The following SLC25A48 variants were observed in gnomAD, a reference collection of about 807,000 sequenced individuals.
SLC25A48 encodes the protein CTC-321K16.1.
A neutral mutation model predicts 32.2 loss-of-function variants in SLC25A48; 29 were observed. That is an observed-to-expected ratio of 0.90 (90% CI 0.67 to 1.23). SLC25A48 has a LOEUF of 1.23. Ranked by LOEUF, SLC25A48 falls within the 50% of genes most tolerant of loss-of-function variation. The probability of loss-of-function intolerance (pLI) is 0.00; values close to 1 mark genes in which losing one functional copy is unlikely to be tolerated. For missense variants in SLC25A48, 399 were observed against 422.7 expected, an observed-to-expected ratio of 0.94 and a Z score of 0.49; for synonymous variants, 164 against 172.3, an observed-to-expected ratio of 0.95 and a Z score of 0.38.
At chr5:135,585,916 C>T (rs1318624087) in intron 1 of SLC25A48, among the ~76,000 whole-genome samples, 1 of 152,198 alleles carries the variant, frequency 6.6e-6, no homozygotes, top group Non-Finnish European at 1.5e-5. Flanking sequence ...CGTAGACTCA[C>T]TCCCCTTATC....
In SLC25A48 at chr5:135,879,996, C is replaced by G; in HGVS notation, c.842C>G (p.Ala281Gly). The G allele has an allele frequency of 6.5e-7, 1 of 1,536,390 alleles. No homozygotes were observed. The change falls in exon 7 of 8, where the codon GCG becomes GGG. Residue 281 changes from alanine to glycine, a missense_variant. By Grantham distance (60) the Ala-to-Gly change is moderately conservative. Transcript: ENST00000681962. ...TTTTTCAGAGGCATCACTGTGAACG[C>G]GGTGCGGGGCTTCCCCATGAGTGCG... The part of the protein sequence containing the change: ...KVFFRGITVN[A>G]VRGFPMSAAM...
chr5:135,777,136 C>T (rs1756584845), intron 3 of SLC25A48, among the ~76,000 whole-genome samples: 1 of 151,578 alleles, frequency 6.6e-6, no homozygotes, highest in East Asian at 1.9e-4. Context: ...GATATTATTT[C>T]AAATATCACA....
chr5:135,772,622 T>A (rs1314636765), intron 3 of SLC25A48, among the ~76,000 whole-genome samples: 1 of 147,096 alleles, frequency 6.8e-6, no homozygotes, highest in African/African-American at 2.5e-5. Context: ...TTGTTGGTAA[T>A]AACTGGAGGG....
rs1050768101 is a variant in SLC25A48, at chr5:135,850,484, C to T, written c.150C>T (p.Tyr50=). Residue 50 remains tyrosine (Y), a synonymous_variant, in exon 3 of 8, where the codon TAC becomes TAT. Coordinates refer to ENST00000681962, the MANE Select transcript of SLC25A48 (RefSeq NM_001349336.2). Reference sequence around the variant, plus strand: ...CCCTCAGCTGCATCCGCGTGGTGTACAGGAGGGAGAGTGTAAGTGCCCCTT... The same window carrying T: ...CCCTCAGCTGCATCCGCGTGGTGTATAGGAGGGAGAGTGTAAGTGCCCCTT... ...GNTLSCIRVV[Y]RRESMFGFFK... 3 of 1,613,970 alleles carry T rather than the reference C, an allele frequency of 1.9e-6. No homozygotes were observed. Among genetic ancestry groups the T allele is most frequent in the African/African-American group, 1.3e-5 (1 of 74,920 alleles).
intron 4 of SLC25A48, among the ~76,000 whole-genome samples, chr5:135,828,512 G>A (rs543856623): frequency 4.5e-4 from 69 of 152,352 alleles, no homozygotes; most frequent in African/African-American, 1.6e-3. Flanking sequence ...GCTCTCAGGT[G>A]CTGAGGAGGA....
At chr5:135,788,605 G>A (rs547444272) in intron 3 of SLC25A48, among the ~76,000 whole-genome samples, 12 of 148,144 alleles carry the variant, frequency 8.1e-5, no homozygotes, top group Admixed American at 2.7e-4. Context: ...CCTATGCTTC[G>A]TAATATCCAG....
intron 3 of SLC25A48, among the ~76,000 whole-genome samples, chr5:135,687,689 G>C (rs890311792): frequency 2.0e-5 from 3 of 152,024 alleles, no homozygotes; most frequent in African/African-American, 7.2e-5. Flanking sequence ...TTGTTTTCCT[G>C]GATTCTTGTA....
At chr5:135,785,901 G>T (rs1459982724) in intron 3 of SLC25A48, among the ~76,000 whole-genome samples, 1 of 151,860 alleles carries the variant, frequency 6.6e-6, no homozygotes, top group Non-Finnish European at 1.5e-5. Flanking sequence ...CCATGGGGCG[G>T]GGTGTAGAGC....
chr5:135,634,489 G>T (rs536243954), intron 2 of SLC25A48, among the ~76,000 whole-genome samples: 2 of 152,368 alleles, frequency 1.3e-5, no homozygotes, highest in East Asian at 3.9e-4. Context: ...TAGAGAAAGA[G>T]AAGGCTTGGG....
chr5:135,855,497 C>T (rs185435070), intron 4 of SLC25A48, among the ~76,000 whole-genome samples: 2 of 152,236 alleles, frequency 1.3e-5, no homozygotes, highest in East Asian at 3.9e-4. Context: ...AAACAGGCTC[C>T]CAGAGGTTAA....
At chr5:135,601,146 G>A (rs151200902) in intron 1 of SLC25A48, 87 of 152,338 alleles carry the variant, frequency 5.7e-4, no homozygotes, top group African/African-American at 1.9e-3. Context: ...GAAGTGACTA[G>A]GGAAGTTCCG....
At chr5:135,627,580 G>C (rs775147996) in intron 1 of SLC25A48, among the ~76,000 whole-genome samples, 7 of 151,870 alleles carry the variant, frequency 4.6e-5, no homozygotes, top group African/African-American at 1.7e-4. Context: ...CTTCATTAAA[G>C]TACTTCATGG....
intron 1 of SLC25A48, among the ~76,000 whole-genome samples, chr5:135,589,727 C>T (rs1751464184): frequency 6.6e-6 from 1 of 152,174 alleles, no homozygotes; most frequent in Admixed American, 6.5e-5. Flanking sequence ...CGGAGTCTCA[C>T]TCTGTCTCCC....
chr5:135,755,932 A>G (rs578132795), intron 3 of SLC25A48, among the ~76,000 whole-genome samples: 65 of 152,210 alleles, frequency 4.3e-4, no homozygotes, highest in Admixed American at 1.4e-3. Flanking sequence ...GGCACTTATC[A>G]TATGTAGTGT....
At chr5:135,662,133 C>T (rs995005058) in intron 3 of SLC25A48, among the ~76,000 whole-genome samples, 1 of 152,170 alleles carries the variant, frequency 6.6e-6, no homozygotes, top group African/African-American at 2.4e-5. Context: ...TGTCAGACTG[C>T]TAGGGAAAGA....
At chr5:135,662,506 C>T (rs764866203) in intron 3 of SLC25A48, among the ~76,000 whole-genome samples, 2 of 152,128 alleles carry the variant, frequency 1.3e-5, no homozygotes, top group Admixed American at 6.5e-5. Context: ...GCCCCTGTGT[C>T]CAAATAAGAG....
chr5:135,666,499 C>G (rs1007329764), intron 3 of SLC25A48, among the ~76,000 whole-genome samples: 1 of 152,146 alleles, frequency 6.6e-6, no homozygotes, highest in Non-Finnish European at 1.5e-5. Context: ...CATCCTTCTG[C>G]TCCTCGATGT....
chr5:135,807,340 T>TATC (rs35396644), intron 3 of SLC25A48, among the ~76,000 whole-genome samples: 78,006 of 150,074 alleles, frequency 0.52, 21,859 homozygotes, highest in East Asian at 0.7. Flanking sequence ...TAGATATAAA[T>TATC]ATCATATCTT....
intron 4 of SLC25A48, 125 bp from the exon 5 acceptor site, chr5:135,871,336 T>G: frequency 8.4e-7 from 1 of 1,192,280 alleles, no homozygotes; most frequent in East Asian, 2.6e-5. Context: ...AAGGTCAGAT[T>G]TGGTAAAAGC....
Sources: allele counts gnomAD v4.1 joint callset (sites outside exome capture counted in the v4.1 genomes callset), GRCh38; gene constraint gnomAD v4.1.1; transcripts MANE v1.5; gene names NCBI Gene and HGNC (gene_info 2026-07-23, HGNC 2026-07-21).